The following ERCC4 variants were observed in gnomAD, a reference collection of about 807,000 sequenced individuals.
ERCC4 encodes the protein DNA repair endonuclease XPF.
A neutral mutation model predicts 76.9 loss-of-function variants in ERCC4; 65 were observed. The ratio of observed to expected loss-of-function variants is 0.84; its 90% CI spans 0.69 to 1.04. The LOEUF is 1.04. Ranked by LOEUF, ERCC4 falls within the 50% of genes least tolerant of loss-of-function variation. The pLI is 0.00. For missense variants in ERCC4, 1,214 were observed against 1,128.2 expected, an observed-to-expected ratio of 1.08 and a Z score of -1.09; for synonymous variants, 463 against 410.1, an observed-to-expected ratio of 1.13 and a Z score of -1.56.
At chr16:13,936,625 A>G (rs1416911425) in intron 8 of ERCC4, among the ~76,000 whole-genome samples, 1 of 152,236 alleles carries the variant, frequency 6.6e-6, no homozygotes, top group Non-Finnish European at 1.5e-5. Context: ...GAGTTCAACC[A>G]CTTACTCTAT....
chr16:13,929,444 A>G (rs3136102), intron 4 of ERCC4, among the ~76,000 whole-genome samples: 5 of 152,212 alleles, frequency 3.3e-5, no homozygotes, highest in African/African-American at 1.2e-4. Flanking sequence ...ACAGTCATCC[A>G]GATACTTCTC....
At position 13,949,244 on chromosome 16, in the gene ERCC4, A is replaced by C. The variant is rs914709662; in HGVS notation, c.*897A>C. The C allele has an allele frequency of 2.1e-5, 5 of 233,292 alleles. No individual in the cohort carries two copies. Among genetic ancestry groups the C allele is most frequent in the Non-Finnish European group, 4.2e-5 (5 of 118,116 alleles). 14.5% of individuals were successfully genotyped at this position (233,292 alleles called of 1,614,324 possible). On this transcript the variant is annotated 3_prime_UTR_variant, in exon 11 of 11. Coordinates refer to ENST00000311895, the MANE Select transcript of ERCC4 (RefSeq NM_005236.3). ...CCTAATATCAGAGATCCCTAAGTCC[A>C]GCTGGCTAGTTACAGAGTTTTTTCA...
At chr16:13,926,416 G>T in intron 2 of ERCC4, 145 bp from the exon 3 acceptor site, 4 of 731,860 alleles carry the variant, frequency 5.5e-6, no homozygotes, top group East Asian at 2.5e-5. Context: ...TTGAGGACAG[G>T]GATTTATCTC....
At position 13,945,058 on chromosome 16, in the gene ERCC4, G is replaced by A. The variant is rs3136207; in HGVS notation, c.2017+223G>A. 0.049 allele frequency among the ~76,000 whole-genome samples: 7,412 copies of A among 152,210 alleles called. 624 individuals carry two copies. The highest frequency in any genetic ancestry group is 0.17 in the African/African-American group (6,929 of 41,476). Reference sequence around the variant, plus strand: ...CTGTGTCATCTGCGAATCATGTGAGGTTGAGTTTTAGGCACCCCAGCTTAG... The same window carrying A: ...CTGTGTCATCTGCGAATCATGTGAGATTGAGTTTTAGGCACCCCAGCTTAG... On this transcript the variant is annotated intron_variant, in intron 10 of 10. Coordinates refer to ENST00000311895, the MANE Select transcript of ERCC4 (RefSeq NM_005236.3).
chr16:13,945,346 G>C (rs1369907545), intron 10 of ERCC4, among the ~76,000 whole-genome samples: 1 of 152,044 alleles, frequency 6.6e-6, no homozygotes, highest in Non-Finnish European at 1.5e-5. Flanking sequence ...TGTCTGGTAC[G>C]CATTGCTGTG....
chr16:13,944,102 A>T (rs1230740140), intron 9 of ERCC4: 1 of 155,776 alleles, frequency 6.4e-6, no homozygotes, highest in Non-Finnish European at 1.4e-5. Flanking sequence ...ATGAGTGAGT[A>T]ATGAATGCTG....
chr16:13,920,955 G>C (rs1567241434), intron 1 of ERCC4, among the ~76,000 whole-genome samples: 1 of 152,202 alleles, frequency 6.6e-6, no homozygotes, highest in Non-Finnish European at 1.5e-5. Flanking sequence ...AAAGGTGAAG[G>C]GGCTCTGAGT....
intron 2 of ERCC4, among the ~76,000 whole-genome samples, chr16:13,924,896 G>T (rs971679289): frequency 6.6e-6 from 1 of 151,718 alleles, no homozygotes; most frequent in African/African-American, 2.4e-5. Flanking sequence ...AATGTCATAG[G>T]AACAAAAAAA....
Position 13,948,196 on chromosome 16 carries a change from T to G in ERCC4, c.2600T>G (p.Met867Arg), listed in dbSNP as rs2032560796. Reference protein sequence around the residue: ...GVNAKNCRSLMHHVKNIAELA... With the variant: ...GVNAKNCRSLRHHVKNIAELA... ...AATGCCAAAAACTGCCGCTCCTTGA[T>G]GCACCACGTTAAGAACATCGCAGAA... is the stretch of plus-strand genomic sequence containing the variant. The change falls in exon 11 of 11, where the codon ATG (methionine) becomes AGG (arginine). Residue 867 changes from methionine (M) to arginine (R), a missense_variant. Physicochemically the swap from Met to Arg is moderately conservative, Grantham distance 91. Transcript: ENST00000311895. 6.2e-7 allele frequency: 1 copy of G among 1,614,192 alleles called. No homozygotes were observed. Among genetic ancestry groups the G allele is most frequent in the Non-Finnish European group, 8.5e-7 (1 of 1,180,038 alleles).
In ERCC4 at chr16:13,930,742, C is replaced by T. The variant is rs773131349; in HGVS notation, c.825C>T (p.His275=). Residue 275 remains histidine (H), a synonymous_variant, in exon 5 of 11, where the codon CAC becomes CAT. Transcript: ENST00000311895. The stretch of plus-strand genomic sequence containing the variant: ...GCCATTATCTGGATCCTTTGTGGCA[C>T]CAGCTTGGAGCCAAGACTAAATCCT... The part of the protein sequence containing the change: ...TIRHYLDPLW[H]QLGAKTKSLV... The T allele has an allele frequency of 6.2e-7, 1 of 1,613,918 alleles. No individual in the cohort carries two copies.
intron 1 of ERCC4, 109 bp from the exon 2 acceptor site, chr16:13,921,922 A>T (rs1224985969): frequency 2.8e-6 from 2 of 719,442 alleles, no homozygotes; most frequent in Admixed American, 4.6e-5. Flanking sequence ...TATATTCATT[A>T]TTAAGTTCAT....
chr16:13,922,534 G>T, intron 2 of ERCC4: 1 of 730,568 alleles, frequency 1.4e-6, no homozygotes. Context: ...GTCCCTGACT[G>T]CTGTGGCCTC....
At chr16:13,932,513 T>C (rs2032193026) in intron 6 of ERCC4, 1 of 583,212 alleles carries the variant, frequency 1.7e-6, no homozygotes, top group African/African-American at 1.9e-5. Context: ...TGCAGTCTAT[T>C]GCCCAGGGCT....
chr16:13,935,880 T>C (rs2032281801), intron 8 of ERCC4, 137 bp downstream of exon 8: 1 of 767,662 alleles, frequency 1.3e-6, no homozygotes, highest in Middle Eastern at 3.6e-4. Context: ...TTTTGCTTCC[T>C]GATGAATCTG....
At chr16:13,945,794 C>T (rs1375338952) in intron 10 of ERCC4, among the ~76,000 whole-genome samples, 1 of 152,156 alleles carries the variant, frequency 6.6e-6, no homozygotes, top group Non-Finnish European at 1.5e-5. Context: ...TGAAGAACGA[C>T]AGAATGTAAG....
rs72781468 is a variant in ERCC4, at chr16:13,949,403, A to G, written c.*1056A>G. ...GGCGACAGAGTGAGACTTTGTCTCT[A>G]TTACAAAAAGAAAAGAAAAGAAATA... On this transcript the variant is annotated 3_prime_UTR_variant, in exon 11 of 11. Transcript: ENST00000311895. The G allele has an allele frequency of 6.9e-3, 1,612 of 233,244 alleles. 14 individuals carry two copies. Among genetic ancestry groups the G allele is most frequent in the Non-Finnish European group, 0.01 (1,232 of 118,060 alleles). The allele number at this position is 233,244 out of a possible 1,614,324, so 14.4% of individuals were successfully genotyped here. A position where few individuals can be genotyped will look rare whatever the true frequency, so the allele number is the denominator to read the frequency against.
At position 13,935,620 on chromosome 16, in the gene ERCC4, C is replaced by A; in HGVS notation, c.1688C>A (p.Pro563His). ...CATCCGCTTCTGGGTTGCAGCGACC[C>A]CTATGCTCTGACAAGGGTACTACAT... ...IIHPLLGCSD[P>H]YALTRVLHEV... Residue 563 changes from proline to histidine, a missense_variant, in exon 8 of 11, where the codon CCC (proline) becomes CAC (histidine). Physicochemically the swap from Pro to His is moderately conservative, Grantham distance 77 (BLOSUM62 -2). Transcript: ENST00000311895. 1.2e-6 allele frequency: 2 copies of A among 1,613,988 alleles called. No homozygotes were observed. The highest frequency in any genetic ancestry group is 1.7e-6 in the Non-Finnish European group (2 of 1,179,952).
chr16:13,951,007 G>A lies in ERCC4; in HGVS notation c.*2660G>A, dbSNP rs2141624449. The A allele has an allele frequency of 5.3e-6, 1 of 190,242 alleles. No individual in the cohort carries two copies. The highest frequency in any genetic ancestry group is 1.1e-5 in the Non-Finnish European group (1 of 90,636). 11.8% of individuals were successfully genotyped at this position (190,242 alleles called of 1,614,324 possible). A position where few individuals can be genotyped will look rare whatever the true frequency, so the allele number is the denominator to read the frequency against. ...ACTGTCTCGTATGTATTTGAATTAT[G>A]AACAGTAATTTCTAATGAATTCTAA... is the stretch of plus-strand genomic sequence containing the variant. On this transcript the variant is annotated 3_prime_UTR_variant, in exon 11 of 11. Transcript: ENST00000311895.
rs528664105 is a variant in ERCC4 at position 13,939,240 on chromosome 16, G to A, written c.1904+1382G>A. ...ACCTTCACGCCACAAGGCTCAAAGAGTAAACAGGTATTTATTAAGCATCTG... is the reference window on the plus strand; with the variant it reads ...ACCTTCACGCCACAAGGCTCAAAGAATAAACAGGTATTTATTAAGCATCTG... On this transcript the variant is annotated intron_variant, in intron 9 of 10. Coordinates refer to ENST00000311895, the MANE Select transcript of ERCC4 (RefSeq NM_005236.3). 2.0e-5 allele frequency among the ~76,000 whole-genome samples: 3 copies of A among 152,308 alleles called. No homozygotes were observed. The South Asian group carries it at 6.2e-4, about 32-fold the overall frequency.
Sources: gnomAD v4.1 joint callset for allele counts (sites outside exome capture counted in the v4.1 genomes callset) on GRCh38, gnomAD v4.1.1 for gene constraint, MANE v1.5 for transcripts, NCBI Gene and HGNC (gene_info 2026-07-23, HGNC 2026-07-21) for gene names.